The following RAPGEF5 variants were observed in gnomAD, a reference collection of about 807,000 sequenced individuals.
The protein encoded by RAPGEF5 is Rap guanine nucleotide exchange factor 5, also known as M-Ras-regulated GEF.
A neutral mutation model predicts 125.2 loss-of-function variants in RAPGEF5; 65 were observed. That is an observed-to-expected ratio of 0.52 (90% CI 0.43 to 0.64). The LOEUF (loss-of-function observed/expected upper bound fraction) is 0.64, where lower values mean the gene tolerates loss of function less well. Among genes scored for constraint, RAPGEF5 ranks in the 30% least tolerant of loss-of-function variants. The pLI, the probability that RAPGEF5 is intolerant of heterozygous loss-of-function variation, is 0.00. For missense variants in RAPGEF5, 958 were observed against 1,048.1 expected (o/e 0.91, Z 1.19); for synonymous variants, 391 against 385.9 (o/e 1.01, Z -0.16).
intron 7 of RAPGEF5, among the ~76,000 whole-genome samples, chr7:22,262,095 A>C (rs1668714228): frequency 1.3e-5 from 2 of 152,160 alleles, no homozygotes; most frequent in South Asian, 4.1e-4. Flanking sequence ...TCTGTGAAAG[A>C]CTCGTTGAGA....
chr7:22,317,911 T>C lies in RAPGEF5; in HGVS notation c.282+76A>G, dbSNP rs1021831684. The C allele has an allele frequency of 1.8e-5, 28 of 1,535,180 alleles. No homozygotes were observed. The South Asian group carries it at 3.4e-4, about 19-fold the overall frequency. On this transcript the variant is annotated intron_variant, in intron 2 of 25. Transcript: ENST00000665637. ...TGTGGTCAGGAGCAAAGGGAACAACTGTAACTTGATAATTGTACATCAGAA... is the reference window on the plus strand; with the variant it reads ...TGTGGTCAGGAGCAAAGGGAACAACCGTAACTTGATAATTGTACATCAGAA...
chr7:22,125,697 G>A (rs372716840), intron 24 of RAPGEF5, 39 bp from the exon 25 acceptor site: 66 of 1,549,492 alleles, frequency 4.3e-5, no homozygotes, highest in Middle Eastern at 3.4e-4. Context: ...TGGAAGGGTC[G>A]TTGAGGGTGT....
chr7:22,344,539 A>C (rs1784187787), intron 1 of RAPGEF5, among the ~76,000 whole-genome samples: 1 of 152,172 alleles, frequency 6.6e-6, no homozygotes, highest in South Asian at 2.1e-4. Context: ...AAAGAGAGCA[A>C]GCAGGAAGAA....
intron 12 of RAPGEF5, 58 bp from the exon 13 acceptor site, chr7:22,162,599 A>G: frequency 6.8e-7 from 1 of 1,460,632 alleles, no homozygotes; most frequent in Non-Finnish European, 9.4e-7. Context: ...GAAGACATCC[A>G]TTTACTCTTA....
At chr7:22,171,713 T>C (rs1784355699) in intron 11 of RAPGEF5, among the ~76,000 whole-genome samples, 1 of 152,212 alleles carries the variant, frequency 6.6e-6, no homozygotes, top group African/African-American at 2.4e-5. Flanking sequence ...TTGGCCAGGC[T>C]GGTCTCAAAC....
At chr7:22,302,808 G>C (rs1316262960) in intron 5 of RAPGEF5, among the ~76,000 whole-genome samples, 2 of 135,810 alleles carry the variant, frequency 1.5e-5, no homozygotes, top group South Asian at 4.6e-4. Context: ...CATTCTGCAG[G>C]ATGGCAGTTC....
intron 1 of RAPGEF5, among the ~76,000 whole-genome samples, chr7:22,333,520 A>G (rs924039192): frequency 1.3e-5 from 2 of 152,332 alleles, no homozygotes; most frequent in East Asian, 3.9e-4. Context: ...AAGAATGAAA[A>G]GAGTATTTAT....
intron 5 of RAPGEF5, among the ~76,000 whole-genome samples, chr7:22,305,685 C>G (rs1783320726): frequency 6.6e-6 from 1 of 152,054 alleles, no homozygotes; most frequent in Admixed American, 6.6e-5. Context: ...ACCCATTAAC[C>G]ATCCACACCT....
At chr7:22,162,635 C>T (rs1217040748) in intron 12 of RAPGEF5, 94 bp from the exon 13 acceptor site, 1 of 1,216,278 alleles carries the variant, frequency 8.2e-7, no homozygotes, top group African/African-American at 1.5e-5. Flanking sequence ...TGAAGGCATA[C>T]AAGTGTATAA....
intron 7 of RAPGEF5, among the ~76,000 whole-genome samples, chr7:22,239,938 G>A (rs932127945): frequency 1.3e-4 from 20 of 151,954 alleles, no homozygotes; most frequent in African/African-American, 4.6e-4. Flanking sequence ...GCCGGGTGTG[G>A]TGGCTCATGC....
At chr7:22,185,148 A>G (rs1784790553) in intron 11 of RAPGEF5, among the ~76,000 whole-genome samples, 1 of 152,214 alleles carries the variant, frequency 6.6e-6, no homozygotes, top group Non-Finnish European at 1.5e-5. Context: ...TCTAGCAAAA[A>G]TAATCTTCGG....
chr7:22,342,012 C>T (rs1278045615), intron 1 of RAPGEF5, among the ~76,000 whole-genome samples: 2 of 152,216 alleles, frequency 1.3e-5, no homozygotes, highest in Non-Finnish European at 2.9e-5. Context: ...TCCCACCCCA[C>T]ATTCCCCTTC....
At chr7:22,144,026 A>G (rs1353481304) in intron 20 of RAPGEF5, among the ~76,000 whole-genome samples, 3 of 152,250 alleles carry the variant, frequency 2.0e-5, no homozygotes, top group Non-Finnish European at 2.9e-5. Flanking sequence ...AAGGAGAAAT[A>G]AAACTGGAAG....
intron 9 of RAPGEF5, among the ~76,000 whole-genome samples, chr7:22,208,276 A>G (rs1181802163): frequency 6.6e-6 from 1 of 152,220 alleles, no homozygotes; most frequent in Non-Finnish European, 1.5e-5. Context: ...CTACTTATAA[A>G]AAAAAGGTTG....
intron 6 of RAPGEF5, among the ~76,000 whole-genome samples, chr7:22,283,046 T>A (rs201542742): frequency 6.7e-6 from 1 of 148,360 alleles, no homozygotes; most frequent in Non-Finnish European, 1.5e-5. Context: ...TGTAAAAAAA[T>A]ACACACACAC....
chr7:22,194,788 C>T, intron 9 of RAPGEF5: 1 of 982,046 alleles, frequency 1.0e-6, no homozygotes, highest in African/African-American at 1.7e-5. Flanking sequence ...GCACACACAG[C>T]TTCCACAGCC....
At chr7:22,255,134 G>A (rs988771513) in intron 7 of RAPGEF5, among the ~76,000 whole-genome samples, 1 of 152,080 alleles carries the variant, frequency 6.6e-6, no homozygotes, top group African/African-American at 2.4e-5. Context: ...GCCTATTTAA[G>A]CTTGAATACA....
At chr7:22,128,535 G>A (rs950331386) in intron 24 of RAPGEF5, among the ~76,000 whole-genome samples, 10 of 152,180 alleles carry the variant, frequency 6.6e-5, no homozygotes, top group Non-Finnish European at 8.8e-5. Context: ...TTTACCTTTA[G>A]AGAAACCCAG....
intron 11 of RAPGEF5, among the ~76,000 whole-genome samples, chr7:22,174,057 T>C (rs555816180): frequency 4.4e-4 from 67 of 152,282 alleles, no homozygotes; most frequent in Non-Finnish European, 8.1e-4. Flanking sequence ...CTATCATATC[T>C]ATACCTAGCA....
Sources: allele counts gnomAD v4.1 joint callset (sites outside exome capture counted in the v4.1 genomes callset), GRCh38; gene constraint gnomAD v4.1.1; transcripts MANE v1.5; gene names NCBI Gene and HGNC (gene_info 2026-07-23, HGNC 2026-07-21).